KHNYN: variants seen among roughly 807,000 people sequenced by gnomAD.
The protein encoded by KHNYN is protein KHNYN.
In KHNYN, 42 loss-of-function variants were observed where a neutral mutation model predicts 62.7. The ratio of observed to expected loss-of-function variants is 0.67; its 90% CI spans 0.52 to 0.87. The LOEUF is 0.87. Among genes scored for constraint, KHNYN ranks in the 40% least tolerant of loss-of-function variants. The pLI, the probability that KHNYN is intolerant of heterozygous loss-of-function variation, is 0.00. For synonymous variants in KHNYN, 347 were observed against 345.6 expected, an observed-to-expected ratio of 1.00 and a Z score of -0.04; for missense variants, 829 against 874.1, an observed-to-expected ratio of 0.95 and a Z score of 0.65.
chr14:24,436,237 G>T, intron 6 of KHNYN, 58 bp downstream of exon 6: 1 of 1,516,930 alleles, frequency 6.6e-7, no homozygotes, highest in Non-Finnish European at 9.2e-7. Context: ...TCTAAAGCCA[G>T]CTCTGCTCTG....
In KHNYN at chr14:24,440,770, G is replaced by A. The variant is rs1949999809; in HGVS notation, c.*3485G>A. The stretch of plus-strand genomic sequence containing the variant: ...CATTCCAACCCTGTCTGATACCCAG[G>A]CCCGTTTCTCACCTGAGCGCACCAC... On this transcript the variant is annotated 3_prime_UTR_variant, in exon 8 of 8. Coordinates refer to ENST00000553935, the MANE Select transcript of KHNYN (RefSeq NM_015299.3). The A allele has an allele frequency of 2.5e-6, 4 of 1,613,212 alleles. No individual in the cohort carries two copies. The highest frequency in any genetic ancestry group is 1.7e-4 in the Middle Eastern group (1 of 6,046).
At chr14:24,434,005 C>G (rs1415260265) in intron 5 of KHNYN, 1 of 323,488 alleles carries the variant, frequency 3.1e-6, no homozygotes, top group African/African-American at 2.2e-5. Context: ...TATACTTTGT[C>G]TTTTCAAACA....
chr14:24,429,137 C>A (rs889687447), upstream of KHNYN: 3 of 1,405,786 alleles, frequency 2.1e-6, no homozygotes, highest in African/African-American at 1.5e-5. Flanking sequence ...TTCTCACCGC[C>A]GGCACCCTGA....
chr14:24,438,761 T>C lies in KHNYN; in HGVS notation c.*1476T>C, dbSNP rs1217850277. ...CAGGAACAATACAGAGCCAGTCAAC[T>C]TCCTGGAATCCAAGACCAGATAAAG... is the stretch of plus-strand genomic sequence containing the variant. On this transcript the variant is annotated 3_prime_UTR_variant, in exon 8 of 8. Transcript: ENST00000553935. 1 of 152,240 alleles carries C rather than the reference T, an allele frequency of 6.6e-6. No individual in the cohort carries two copies. Among genetic ancestry groups the C allele is most frequent in the Non-Finnish European group, 1.5e-5 (1 of 68,054 alleles). The allele number at this position is 152,240 out of a possible 1,614,324, so 9.4% of individuals were successfully genotyped here.
chr14:24,427,368 GGGTACGCTGA>G (rs1173363610), upstream of KHNYN: 2 of 195,632 alleles, frequency 1.0e-5, no homozygotes, highest in South Asian at 1.8e-4. The surrounding 1 kb of genome is among the most constrained non-coding windows in gnomAD (Gnocchi z 4.4). Flanking sequence ...GAAGCCTGCA[GGGTACGCTGA>G]GGCTTGTCCA....
At chr14:24,433,065 A>G (rs1467206396) in intron 5 of KHNYN, 33 bp downstream of exon 5, 2 of 1,572,370 alleles carry the variant, frequency 1.3e-6, no homozygotes, top group African/African-American at 2.7e-5. Context: ...CAGGCTTGAT[A>G]TTGAAGGAGC....
chr14:24,434,682 C>T (rs920053448), intron 5 of KHNYN, among the ~76,000 whole-genome samples: 4 of 152,180 alleles, frequency 2.6e-5, no homozygotes, highest in Admixed American at 6.5e-5. Flanking sequence ...GGATTACAGG[C>T]GTGAGCCACC....
rs1408655385 is a variant in KHNYN, at chr14:24,430,101, G to C, written c.-36G>C. Reference sequence around the variant, plus strand: ...GCGGGCGCTGAGAGGACCTGAAGCCGGCGCGGGCGGCGGAGGCGGTAGGCG... The same window carrying C: ...GCGGGCGCTGAGAGGACCTGAAGCCCGCGCGGGCGGCGGAGGCGGTAGGCG... On this transcript the variant is annotated 5_prime_UTR_variant, in exon 1 of 8. Coordinates refer to ENST00000553935, the MANE Select transcript of KHNYN (RefSeq NM_015299.3). 13 of 985,250 alleles carry C rather than the reference G, an allele frequency of 1.3e-5. No individual in the cohort carries two copies. Among genetic ancestry groups the C allele is most frequent in the Non-Finnish European group, 1.6e-5 (13 of 830,142 alleles). The allele number at this position is 985,250 out of a possible 1,614,324, so 61.0% of individuals were successfully genotyped here. A position where few individuals can be genotyped will look rare whatever the true frequency, so the allele number is the denominator to read the frequency against.
upstream of KHNYN, chr14:24,427,756 G>A (rs2043034185): frequency 2.5e-6 from 4 of 1,605,838 alleles, no homozygotes; most frequent in Admixed American, 5.0e-5. The surrounding 1 kb of genome is among the most constrained non-coding windows in gnomAD (Gnocchi z 4.4). Flanking sequence ...AGTTGTCAGG[G>A]GCTGGATTCT....
Position 24,437,224 on chromosome 14 carries a change from G to T in KHNYN, c.1976G>T (p.Arg659Leu). 1 of 1,614,184 alleles carries T rather than the reference G, an allele frequency of 6.2e-7. No homozygotes were observed. The highest frequency in any genetic ancestry group is 8.5e-7 in the Non-Finnish European group (1 of 1,180,030). ...CACAAAGTGGACTTCATCCTGCAGC[G>T]GGAGCCATACTGCCGGGACATCAAC... The part of the protein sequence containing the change: ...QDHKVDFILQ[R>L]EPYCRDINQL... Residue 659 changes from arginine (R) to leucine (L), a missense_variant, in exon 8 of 8, where the codon CGG (arginine) becomes CTG (leucine). Coordinates refer to ENST00000553935, the MANE Select transcript of KHNYN (RefSeq NM_015299.3). This position sits in a 1 kb window ranked among gnomAD's most constrained non-coding sequence, Gnocchi z 5.5.
chr14:24,439,871 A>C lies in KHNYN; in HGVS notation c.*2586A>C. ...GACATGTAGAGAAACCAAACTGGGA[A>C]ATCTTACAAGGAGTTGAAAAGATTA... On this transcript the variant is annotated 3_prime_UTR_variant, in exon 8 of 8. Transcript: ENST00000553935. 1 of 508,920 alleles carries C rather than the reference A, an allele frequency of 2.0e-6. No homozygotes were observed. Among genetic ancestry groups the C allele is most frequent in the Non-Finnish European group, 3.5e-6 (1 of 289,664 alleles). The allele number at this position is 508,920 out of a possible 1,614,324, so 31.5% of individuals were successfully genotyped here. A position where few individuals can be genotyped will look rare whatever the true frequency, so the allele number is the denominator to read the frequency against.
chr14:24,428,790 C>T (rs199897938), upstream of KHNYN: 158 of 1,605,934 alleles, frequency 9.8e-5, no homozygotes, highest in Admixed American at 2.0e-3. Context: ...GTGCCATTGC[C>T]GGTTTCCCCT....
chr14:24,437,317 C>A lies in KHNYN; in HGVS notation c.*32C>A. On this transcript the variant is annotated 3_prime_UTR_variant, in exon 8 of 8. Transcript: ENST00000553935. The surrounding 1 kb of genome is among the most constrained non-coding windows in gnomAD (Gnocchi z 5.5). ...CCTGCTTGAGTGGCTGCCGCCCTGT[C>A]AGCTCCAGCCGCCTCCAGCTCAGCC... 6.3e-7 allele frequency: 1 copy of A among 1,588,382 alleles called. No individual in the cohort carries two copies.
At position 24,432,409 on chromosome 14, in the gene KHNYN, G is replaced by C; in HGVS notation, c.1148G>C (p.Gly383Ala). 1 of 1,613,644 alleles carries C rather than the reference G, an allele frequency of 6.2e-7. No homozygotes were observed. The highest frequency in any genetic ancestry group is 8.5e-7 in the Non-Finnish European group (1 of 1,179,880). Reference protein sequence around the residue: ...RGDCGDRGDVGDRGDKQQGMA... With the variant: ...RGDCGDRGDVADRGDKQQGMA... ...GACTGCGGAGACCGGGGAGACGTGG[G>C]GGACAGGGGAGACAAGCAGCAGGGC... Residue 383 changes from glycine to alanine, a missense_variant, in exon 3 of 8, where the codon GGG becomes GCG. Physicochemically the swap from Gly to Ala is moderately conservative, Grantham distance 60. Coordinates refer to ENST00000553935, the MANE Select transcript of KHNYN (RefSeq NM_015299.3). This position sits in a 1 kb window ranked among gnomAD's most constrained non-coding sequence, Gnocchi z 5.6.
At position 24,431,951 on chromosome 14, in the gene KHNYN, C is replaced by T. The variant is rs779418926; in HGVS notation, c.690C>T (p.Asp230=). The change falls in exon 3 of 8, where the codon GAC becomes GAT. Residue 230 remains aspartate (D), a synonymous_variant. Transcript: ENST00000553935. The part of the protein sequence containing the change: ...QCQGVRAPPS[D]GRESLDTGSM... ...AAGGAGTGAGAGCTCCCCCTAGTGA[C>T]GGCAGGGAGTCCCTGGACACTGGAT... is the stretch of plus-strand genomic sequence containing the variant. The T allele has an allele frequency of 5.0e-6, 8 of 1,613,086 alleles. No homozygotes were observed. The highest frequency in any genetic ancestry group is 4.0e-5 in the African/African-American group (3 of 74,898).
Position 24,432,791 on chromosome 14 carries a change from T to C in KHNYN, c.1419T>C (p.Gly473=), listed in dbSNP as rs2043143780. The C allele has an allele frequency of 1.9e-6, 3 of 1,614,094 alleles. No individual in the cohort carries two copies. In the African/African-American group the frequency reaches 4.0e-5, roughly 22 times the overall value. The change falls in exon 4 of 8, where the codon GGT becomes GGC. Residue 473 remains glycine, a synonymous_variant. Coordinates refer to ENST00000553935, the MANE Select transcript of KHNYN (RefSeq NM_015299.3). This position sits in a 1 kb window ranked among gnomAD's most constrained non-coding sequence, Gnocchi z 5.6. The part of the protein sequence containing the change: ...AIAVQYFWDR[G]HRDITVFVPQ... ...CTGTGCAGTACTTCTGGGACCGTGGTCACCGTGACATAACTGTCTTTGTGC... is the reference window on the plus strand; with the variant it reads ...CTGTGCAGTACTTCTGGGACCGTGGCCACCGTGACATAACTGTCTTTGTGC...
upstream of KHNYN, chr14:24,428,011 C>T (rs2043038725): frequency 6.2e-7 from 1 of 1,604,834 alleles, no homozygotes; most frequent in Admixed American, 1.7e-5. Context: ...CCAGTTAGCC[C>T]CCATTCCCCA....
Position 24,430,103 on chromosome 14 carries a change from C to A in KHNYN, c.-34C>A, listed in dbSNP as rs2043076124. ...GGGCGCTGAGAGGACCTGAAGCCGGCGCGGGCGGCGGAGGCGGTAGGCGCG... is the reference window on the plus strand; with the variant it reads ...GGGCGCTGAGAGGACCTGAAGCCGGAGCGGGCGGCGGAGGCGGTAGGCGCG... On this transcript the variant is annotated 5_prime_UTR_variant, in exon 1 of 8. Coordinates refer to ENST00000553935, the MANE Select transcript of KHNYN (RefSeq NM_015299.3). 1 of 985,336 alleles carries A rather than the reference C, an allele frequency of 1.0e-6. No individual in the cohort carries two copies. Among genetic ancestry groups the A allele is most frequent in the African/African-American group, 1.7e-5 (1 of 57,252 alleles). 61.0% of individuals were successfully genotyped at this position (985,336 alleles called of 1,614,324 possible).
chr14:24,436,628 CT>C, intron 7 of KHNYN, 139 bp downstream of exon 7: 1 of 623,558 alleles, frequency 1.6e-6, no homozygotes, highest in Non-Finnish European at 2.7e-6. Context: ...TGGCCTTGGC[CT>C]TTATAAGCTT....
Sources: allele counts gnomAD v4.1 joint callset (sites outside exome capture counted in the v4.1 genomes callset), GRCh38; gene constraint gnomAD v4.1.1; non-coding constraint Gnocchi (gnomAD v3.1); transcripts MANE v1.5; gene names NCBI Gene and HGNC (gene_info 2026-07-23, HGNC 2026-07-21).